Variants in DNAAF5 observed in about 807,000 individuals in gnomAD.
DNAAF5 encodes dynein axonemal assembly factor 5.
In DNAAF5, 64 loss-of-function variants were observed where a neutral mutation model predicts 75.8. That is an observed-to-expected ratio of 0.84 (90% CI 0.69 to 1.04). The LOEUF is 1.04. Ranked by LOEUF, DNAAF5 falls within the 50% of genes least tolerant of loss-of-function variation. The pLI, the probability that DNAAF5 is intolerant of heterozygous loss-of-function variation, is 0.00. For synonymous variants in DNAAF5, 657 were observed against 557.2 expected (o/e 1.18, Z -2.52); for missense variants, 1,269 against 1,178.5 (o/e 1.08, Z -1.12).
In DNAAF5 at chr7:741,329, C is replaced by G; in HGVS notation, c.906-18C>G. Reference sequence around the variant, plus strand: ...GTGCCCTGCCCTGAGCCACTGTTGTCTGTCTGTTGTGCCTCAGGCAGCTGG... The same window carrying G: ...GTGCCCTGCCCTGAGCCACTGTTGTGTGTCTGTTGTGCCTCAGGCAGCTGG... On this transcript the variant is annotated intron_variant, in intron 3 of 12. Transcript: ENST00000297440. 1 of 1,572,496 alleles carries G rather than the reference C, an allele frequency of 6.4e-7. No homozygotes were observed. The highest frequency in any genetic ancestry group is 1.8e-5 in the Admixed American group (1 of 55,384).
At chr7:779,824 G>T in intron 11 of DNAAF5, 129 bp from the exon 12 acceptor site, 1 of 754,066 alleles carries the variant, frequency 1.3e-6, no homozygotes. Context: ...GGAGTCTCCC[G>T]TGAGGTGTGG....
At chr7:756,105 A>G (rs36071336) in intron 5 of DNAAF5, among the ~76,000 whole-genome samples, 7,183 of 16,286 alleles carry the variant, frequency 0.44, 1,021 homozygotes, top group South Asian at 0.53. Context: ...TGTGTGATCC[A>G]CTGTGGAATC....
chr7:758,666 ATTTT>A (rs554139891), intron 6 of DNAAF5, among the ~76,000 whole-genome samples: 1 of 151,610 alleles, frequency 6.6e-6, no homozygotes, highest in Non-Finnish European at 1.5e-5. Flanking sequence ...CACCTGGGTA[ATTTT>A]TTTTTATTTA....
chr7:779,870 G>C, intron 11 of DNAAF5, 83 bp from the exon 12 acceptor site: 1 of 1,204,666 alleles, frequency 8.3e-7, no homozygotes, highest in Non-Finnish European at 1.2e-6. Flanking sequence ...TCCCATGGGA[G>C]TATGAACTAA....
intron 9 of DNAAF5, chr7:771,214 G>C (rs2128083965): frequency 6.6e-6 from 1 of 152,432 alleles, no homozygotes; most frequent in East Asian, 1.9e-4. Flanking sequence ...GTGGCATTAA[G>C]ACCCCGAGGG....
At chr7:764,803 G>C (rs1278803495) in intron 8 of DNAAF5, among the ~76,000 whole-genome samples, 2 of 152,330 alleles carry the variant, frequency 1.3e-5, no homozygotes, top group African/African-American at 4.8e-5. Flanking sequence ...GGGCGTGGTG[G>C]CTCACGCCTG....
At chr7:740,612 C>G (rs1003136238) in intron 2 of DNAAF5, among the ~76,000 whole-genome samples, 6 of 152,218 alleles carry the variant, frequency 3.9e-5, no homozygotes, top group Non-Finnish European at 8.8e-5. Context: ...GCGGAGCTGG[C>G]CGGGACCCAG....
chr7:752,115 C>T (rs1782316289), intron 4 of DNAAF5, among the ~76,000 whole-genome samples: 1 of 152,150 alleles, frequency 6.6e-6, no homozygotes, highest in Non-Finnish European at 1.5e-5. Flanking sequence ...GAAACAGGCG[C>T]CCGCACGCGG....
chr7:753,653 C>T (rs982921775), intron 4 of DNAAF5, among the ~76,000 whole-genome samples: 4 of 149,916 alleles, frequency 2.7e-5, no homozygotes, highest in African/African-American at 4.9e-5. Context: ...CATCATATGG[C>T]GATGGCTTCG....
chr7:728,930 G>A (rs1268068670), intron 1 of DNAAF5, among the ~76,000 whole-genome samples: 3 of 152,102 alleles, frequency 2.0e-5, no homozygotes, highest in East Asian at 1.9e-4. Context: ...TTTCCCAGAC[G>A]GGCCCCAAGT....
intron 11 of DNAAF5, among the ~76,000 whole-genome samples, chr7:776,642 A>G (rs962628299): frequency 5.9e-5 from 9 of 152,178 alleles, no homozygotes; most frequent in African/African-American, 1.9e-4. Flanking sequence ...GACCAACCCC[A>G]GGTGAGAGCA....
chr7:739,843 T>G (rs756050335), intron 2 of DNAAF5, among the ~76,000 whole-genome samples: 2 of 152,082 alleles, frequency 1.3e-5, no homozygotes, highest in African/African-American at 2.4e-5. Context: ...GAGCAGCCCC[T>G]CCTCCGAGTC....
At chr7:727,585 T>G in intron 1 of DNAAF5, 2 of 187,732 alleles carry the variant, frequency 1.1e-5, no homozygotes, top group Middle Eastern at 1.8e-3. Context: ...TCTACCCCCA[T>G]GTACCTGTTT....
chr7:784,463 C>T (rs544316329), intron 12 of DNAAF5, among the ~76,000 whole-genome samples: 5 of 152,148 alleles, frequency 3.3e-5, no homozygotes, highest in Non-Finnish European at 7.4e-5. Context: ...CTCTTAACTC[C>T]CAGCAGAATC....
chr7:782,886 A>G (rs4719314), intron 12 of DNAAF5, among the ~76,000 whole-genome samples: 122,085 of 148,044 alleles, frequency 0.82, 49,427 homozygotes, highest in South Asian at 0.88. Flanking sequence ...CCCTCACACA[A>G]CGTCAGAAAC....
rs1161728198 is a variant in DNAAF5, at chr7:774,032, T to C, written c.1932-16T>C. On this transcript the variant is annotated splice_polypyrimidine_tract_variant and intron_variant, in intron 9 of 12. Coordinates refer to ENST00000297440, the MANE Select transcript of DNAAF5 (RefSeq NM_017802.4). ...CTGTCCGGTCTCCTCATCCACCCTC[T>C]CCGTTCCGGTTCCAGGCAGTTTCCC... The C allele has an allele frequency of 2.5e-6, 4 of 1,613,896 alleles. No individual in the cohort carries two copies. The highest frequency in any genetic ancestry group is 1.7e-5 in the Admixed American group (1 of 60,000).
intron 6 of DNAAF5, among the ~76,000 whole-genome samples, chr7:759,207 G>A (rs1045611596): frequency 3.3e-5 from 5 of 152,260 alleles, no homozygotes; most frequent in East Asian, 3.9e-4. Flanking sequence ...AGAACAAACC[G>A]AAATTGTTTT....
At chr7:757,042 G>A in intron 6 of DNAAF5, 48 bp downstream of exon 6, 1 of 1,529,680 alleles carries the variant, frequency 6.5e-7, no homozygotes, top group Middle Eastern at 2.3e-4. Flanking sequence ...AGCCTCCCCT[G>A]CCCGGCCGTC....
intron 4 of DNAAF5, among the ~76,000 whole-genome samples, chr7:745,656 C>T (rs980192506): frequency 2.0e-5 from 3 of 151,868 alleles, no homozygotes; most frequent in Non-Finnish European, 2.9e-5. Flanking sequence ...CACGTACACA[C>T]TTATCCTCAC....
Sources: gnomAD v4.1 joint callset for allele counts (sites outside exome capture counted in the v4.1 genomes callset) on GRCh38, gnomAD v4.1.1 for gene constraint, MANE v1.5 for transcripts, NCBI Gene and HGNC (gene_info 2026-07-23, HGNC 2026-07-21) for gene names.